Variants in RNLS observed in about 807,000 individuals in gnomAD.
RNLS encodes renalase.
RNLS carries 39 observed loss-of-function variants against 39.8 expected under a neutral mutation model. The observed-to-expected ratio is 0.98, with a 90% CI of 0.76 to 1.28. RNLS has a LOEUF of 1.28. Among genes scored for constraint, RNLS ranks in the 50% most tolerant of loss-of-function variants. The pLI, the probability that RNLS is intolerant of heterozygous loss-of-function variation, is 0.00. For missense variants in RNLS, 410 were observed against 413.3 expected (o/e 0.99, Z 0.07); for synonymous variants, 147 against 150.7 (o/e 0.98, Z 0.18).
chr10:88,395,324 A>C (rs1852493578), intron 4 of RNLS, among the ~76,000 whole-genome samples: 1 of 151,880 alleles, frequency 6.6e-6, no homozygotes, highest in South Asian at 2.1e-4. Flanking sequence ...GCATTCAAAG[A>C]ATTAAAGAAA....
intron 4 of RNLS, among the ~76,000 whole-genome samples, chr10:88,528,662 G>A (rs889490024): frequency 1.3e-5 from 2 of 151,678 alleles, no homozygotes; most frequent in African/African-American, 2.4e-5. Flanking sequence ...CCTGGCTAAC[G>A]TGGTGAAACC....
chr10:88,241,967 A>C, the RNLS span, among the ~76,000 whole-genome samples: 1 of 151,780 alleles, frequency 6.6e-6, no homozygotes, highest in African/African-American at 2.4e-5. Flanking sequence ...TGCCTTACCC[A>C]TATTCCTATG....
At chr10:88,326,612 TAC>T (rs1419961951) in intron 5 of RNLS, among the ~76,000 whole-genome samples, 1 of 152,190 alleles carries the variant, frequency 6.6e-6, no homozygotes, top group African/African-American at 2.4e-5. Flanking sequence ...TTAAAAGGGA[TAC>T]AGAGCATAAA....
At chr10:88,203,068 C>T in the RNLS span, among the ~76,000 whole-genome samples, 1 of 151,592 alleles carries the variant, frequency 6.6e-6, no homozygotes, top group Non-Finnish European at 1.5e-5. Flanking sequence ...CCTAGTCCTA[C>T]TCAAGGAAAA....
chr10:88,178,307 T>C, the RNLS span, among the ~76,000 whole-genome samples: 1 of 152,158 alleles, frequency 6.6e-6, no homozygotes, highest in East Asian at 1.9e-4. Context: ...GTTTCTTTGC[T>C]CTCAAAATGC....
chr10:88,456,940 G>C (rs979482803), intron 4 of RNLS, among the ~76,000 whole-genome samples: 1 of 152,108 alleles, frequency 6.6e-6, no homozygotes, highest in African/African-American at 2.4e-5. Context: ...TAGAAGGATC[G>C]TATTGAGTCA....
chr10:88,514,699 T>C (rs1846315026), intron 4 of RNLS, among the ~76,000 whole-genome samples: 1 of 152,116 alleles, frequency 6.6e-6, no homozygotes, highest in Non-Finnish European at 1.5e-5. Context: ...TTTCACTTAG[T>C]ATAATGTCCT....
intron 4 of RNLS, among the ~76,000 whole-genome samples, chr10:88,387,269 C>T (rs1215342766): frequency 6.6e-6 from 1 of 152,070 alleles, no homozygotes; most frequent in African/African-American, 2.4e-5. Context: ...AGAGAATGAA[C>T]TAGCGGAAAG....
At chr10:88,549,194 T>C (rs1771670546) in intron 4 of RNLS, among the ~76,000 whole-genome samples, 1 of 152,170 alleles carries the variant, frequency 6.6e-6, no homozygotes, top group African/African-American at 2.4e-5. Flanking sequence ...TGTAAAAATA[T>C]TATTTTTAAA....
At chr10:88,385,829 A>T (rs1175609605) in intron 4 of RNLS, among the ~76,000 whole-genome samples, 1 of 152,186 alleles carries the variant, frequency 6.6e-6, no homozygotes, top group Non-Finnish European at 1.5e-5. Context: ...GAGAAGTTAC[A>T]GGCAGAAAAA....
chr10:88,216,259 G>A, the RNLS span, among the ~76,000 whole-genome samples: 262 of 152,294 alleles, frequency 1.7e-3, 1 homozygote, highest in African/African-American at 5.0e-3. Context: ...GGAAAGTAGC[G>A]TTTGCTCAAA....
At chr10:88,561,851 A>G (rs1184882008) in intron 4 of RNLS, among the ~76,000 whole-genome samples, 1 of 152,162 alleles carries the variant, frequency 6.6e-6, no homozygotes, top group Non-Finnish European at 1.5e-5. Flanking sequence ...CAAATAATCC[A>G]CTAGAAAAGT....
chr10:88,217,737 T>TAAAAAAAAAAAAA, the RNLS span, among the ~76,000 whole-genome samples: 4 of 22,412 alleles, frequency 1.8e-4, no homozygotes, highest in African/African-American at 7.2e-4. Flanking sequence ...TGCCTTCAAA[T>TAAAAAAAAAAAAA]GAAAAAAAAA....
intron 6 of RNLS, among the ~76,000 whole-genome samples, chr10:88,303,899 T>G (rs1844725559): frequency 6.6e-6 from 1 of 152,026 alleles, no homozygotes; most frequent in South Asian, 2.1e-4. Flanking sequence ...CTGCATTACC[T>G]CCACCAATGT....
chr10:88,285,853 A>G (rs1358379693), intron 6 of RNLS, among the ~76,000 whole-genome samples: 1 of 152,058 alleles, frequency 6.6e-6, no homozygotes, highest in Non-Finnish European at 1.5e-5. Flanking sequence ...CCCCGAGGTG[A>G]TGATATTAGA....
At chr10:88,500,645 T>C (rs939080406) in intron 4 of RNLS, among the ~76,000 whole-genome samples, 1 of 152,152 alleles carries the variant, frequency 6.6e-6, no homozygotes, top group Admixed American at 6.6e-5. Context: ...AGAAATATAT[T>C]GGGTTGATGC....
At chr10:88,494,876 G>T (rs930565229) in intron 4 of RNLS, among the ~76,000 whole-genome samples, 5 of 152,122 alleles carry the variant, frequency 3.3e-5, no homozygotes, top group Non-Finnish European at 5.9e-5. Context: ...AAACAGCCAA[G>T]GGTTACTCTG....
At chr10:88,301,280 A>G (rs1564674107) in intron 6 of RNLS, among the ~76,000 whole-genome samples, 2 of 152,226 alleles carry the variant, frequency 1.3e-5, no homozygotes, top group African/African-American at 2.4e-5. Context: ...AATGATCAGA[A>G]TTTCTCAGGT....
At chr10:88,570,664 T>C (rs1454123010) in intron 4 of RNLS, among the ~76,000 whole-genome samples, 2 of 152,216 alleles carry the variant, frequency 1.3e-5, no homozygotes, top group African/African-American at 4.8e-5. Context: ...GTCAGGTCAA[T>C]AGGATGCTCT....
Sources: gnomAD v4.1 joint callset for allele counts (sites outside exome capture counted in the v4.1 genomes callset) on GRCh38, gnomAD v4.1.1 for gene constraint, MANE v1.5 for transcripts, NCBI Gene and HGNC (gene_info 2026-07-23, HGNC 2026-07-21) for gene names.